GRHL1: variants seen among roughly 807,000 people sequenced by gnomAD.
The protein encoded by GRHL1 is grainyhead like transcription factor 1.
In GRHL1, 38 loss-of-function variants were observed where a neutral mutation model predicts 75.7. That is an observed-to-expected ratio of 0.50 (90% confidence interval 0.39 to 0.66). The LOEUF is 0.66. GRHL1 is among the 30% of genes least tolerant of loss of function. The pLI, the probability that GRHL1 is intolerant of heterozygous loss-of-function variation, is 0.00. For missense variants in GRHL1, 589 were observed against 767.5 expected (o/e 0.77, Z 2.75); for synonymous variants, 266 against 279.4 (o/e 0.95, Z 0.48).
At chr2:9,969,363 A>G (rs1490043850) in intron 8 of GRHL1, among the ~76,000 whole-genome samples, 4 of 152,212 alleles carry the variant, frequency 2.6e-5, no homozygotes, top group Admixed American at 1.3e-4. Context: ...ACTCCATGCT[A>G]TTACGTGCTT....
At chr2:9,963,673 G>A (rs533350735) in intron 5 of GRHL1, among the ~76,000 whole-genome samples, 2 of 152,194 alleles carry the variant, frequency 1.3e-5, no homozygotes, top group South Asian at 4.1e-4. Flanking sequence ...TCAAACTCAG[G>A]ATGTCCGATT....
At chr2:9,981,739 C>T (rs1668206260) in intron 8 of GRHL1, among the ~76,000 whole-genome samples, 1 of 152,178 alleles carries the variant, frequency 6.6e-6, no homozygotes, top group South Asian at 2.1e-4. Context: ...ACTTACTACC[C>T]AGTATGCATT....
chr2:9,967,148 A>G (rs978359535), intron 8 of GRHL1, among the ~76,000 whole-genome samples: 2 of 152,242 alleles, frequency 1.3e-5, no homozygotes, highest in Non-Finnish European at 2.9e-5. Context: ...TAAAGAGCCC[A>G]TAAGTCCTGA....
intron 1 of GRHL1, among the ~76,000 whole-genome samples, chr2:9,954,557 A>G (rs1040442176): frequency 2.0e-5 from 3 of 152,182 alleles, no homozygotes; most frequent in Non-Finnish European, 4.4e-5. Context: ...GTGTGTTGGA[A>G]GAGAACAAGT....
At position 9,961,102 on chromosome 2, in the gene GRHL1, T is replaced by G; in HGVS notation, c.335T>G (p.Val112Gly). The change falls in exon 4 of 16, where the codon GTG becomes GGG. Residue 112 changes from valine to glycine, a missense_variant. Transcript: ENST00000324907. ...QPLISAGENR[V>G]QVLKNVPFNI... ...CTCATCTCTGCTGGAGAAAACAGAG[T>G]GCAAGTACTGAAAAATGTGCCATTT... is the stretch of plus-strand genomic sequence containing the variant. The G allele has an allele frequency of 6.4e-7, 1 of 1,570,688 alleles. No homozygotes were observed. The highest frequency in any genetic ancestry group is 1.4e-5 in the African/African-American group (1 of 73,928).
chr2:9,972,025 C>T (rs926768098), intron 8 of GRHL1, among the ~76,000 whole-genome samples: 6 of 152,006 alleles, frequency 3.9e-5, no homozygotes, highest in African/African-American at 9.7e-5. Flanking sequence ...TTTGTCATCG[C>T]GCAGGCCGGA....
intron 14 of GRHL1, among the ~76,000 whole-genome samples, chr2:9,996,895 G>A (rs775433292): frequency 1.8e-4 from 27 of 152,138 alleles, no homozygotes; most frequent in Non-Finnish European, 3.5e-4. Flanking sequence ...ATCTCAGCAC[G>A]AGGCTGGAAT....
At chr2:9,952,414 T>C (rs1279039701) in intron 1 of GRHL1, among the ~76,000 whole-genome samples, 1 of 152,228 alleles carries the variant, frequency 6.6e-6, no homozygotes, top group Non-Finnish European at 1.5e-5. Flanking sequence ...GCTGGCGGCA[T>C]GAGTGGGAAA....
At chr2:9,989,987 A>G (rs1324420711) in intron 9 of GRHL1, among the ~76,000 whole-genome samples, 2 of 152,130 alleles carry the variant, frequency 1.3e-5, no homozygotes, top group African/African-American at 4.8e-5. Flanking sequence ...CCTTGGCCAT[A>G]TAGGAGAGTA....
At chr2:9,998,771 CACAT>C (rs1669091995) in intron 14 of GRHL1, among the ~76,000 whole-genome samples, 190 bp from the exon 15 acceptor site, 1 of 32,772 alleles carries the variant, frequency 3.1e-5, no homozygotes, top group Non-Finnish European at 5.5e-5. Flanking sequence ...TATATGTACA[CACAT>C]ATATACGTAT....
At chr2:9,960,099 C>G (rs1335015691) in intron 3 of GRHL1, 1 of 152,140 alleles carries the variant, frequency 6.6e-6, no homozygotes, top group African/African-American at 2.4e-5. Context: ...TTATAAAAAG[C>G]AGATGTGTCT....
chr2:9,987,170 G>A lies in GRHL1; in HGVS notation c.1269+888G>A, dbSNP rs182806815. 9.2e-5 allele frequency among the ~76,000 whole-genome samples: 14 copies of A among 152,082 alleles called. No homozygotes were observed. In the East Asian group the frequency reaches 1.8e-3, roughly 19 times the overall value. On this transcript the variant is annotated intron_variant, in intron 9 of 15. Coordinates refer to ENST00000324907, the MANE Select transcript of GRHL1 (RefSeq NM_198182.3). This position sits in a 1 kb window ranked among gnomAD's most constrained non-coding sequence, Gnocchi z 4.2. Reference sequence around the variant, plus strand: ...AATTTTTGTATAGAAACAGGGTTTCGCCAGGTTGGCCAGGCTGGTCTTGAA... The same window carrying A: ...AATTTTTGTATAGAAACAGGGTTTCACCAGGTTGGCCAGGCTGGTCTTGAA...
chr2:9,963,132 C>T (rs1455133767), intron 5 of GRHL1, among the ~76,000 whole-genome samples: 1 of 152,204 alleles, frequency 6.6e-6, no homozygotes, highest in Admixed American at 6.5e-5. Context: ...CCTTATAGAT[C>T]TGCCTCAAGA....
chr2:10,000,137 C>T (rs1048339634), intron 15 of GRHL1, among the ~76,000 whole-genome samples: 4 of 152,182 alleles, frequency 2.6e-5, no homozygotes, highest in Admixed American at 2.0e-4. Context: ...GCATGTACCA[C>T]CATGTCCAGC....
chr2:9,984,671 G>T (rs1231108941), intron 8 of GRHL1, among the ~76,000 whole-genome samples: 1 of 152,190 alleles, frequency 6.6e-6, no homozygotes, highest in Non-Finnish European at 1.5e-5. Flanking sequence ...CCCCTGGATG[G>T]GTTCTCGCCG....
intron 8 of GRHL1, among the ~76,000 whole-genome samples, chr2:9,974,024 G>A (rs1163608832): frequency 2.0e-5 from 3 of 152,132 alleles, no homozygotes; most frequent in Non-Finnish European, 1.5e-5. Context: ...TTTGGGGTTC[G>A]CCCTTTTCTC....
chr2:9,972,163 C>T (rs1008729167), intron 8 of GRHL1, among the ~76,000 whole-genome samples: 2 of 151,432 alleles, frequency 1.3e-5, no homozygotes, highest in South Asian at 2.1e-4. Context: ...ATGTAGCCTG[C>T]ATCTGGGCTG....
intron 14 of GRHL1, among the ~76,000 whole-genome samples, chr2:9,998,352 A>C (rs1283216667): frequency 6.6e-6 from 1 of 150,686 alleles, no homozygotes; most frequent in Non-Finnish European, 1.5e-5. Context: ...GGAGGCCCCC[A>C]GCACACGAGC....
chr2:9,990,624 T>C lies in GRHL1; in HGVS notation c.1270-72T>C. ...GGAGAAAGGCTTCTTCTTCCATTGGTCAGGATAAGAGTTAAATATTTTAAA... is the reference window on the plus strand; with the variant it reads ...GGAGAAAGGCTTCTTCTTCCATTGGCCAGGATAAGAGTTAAATATTTTAAA... On this transcript the variant is annotated intron_variant, in intron 9 of 15. Coordinates refer to ENST00000324907, the MANE Select transcript of GRHL1 (RefSeq NM_198182.3). The surrounding 1 kb of genome is among the most constrained non-coding windows in gnomAD (Gnocchi z 4.2). The C allele has an allele frequency of 2.3e-6, 2 of 878,106 alleles. No individual in the cohort carries two copies. The highest frequency in any genetic ancestry group is 3.7e-5 in the South Asian group (2 of 53,632). 54.4% of individuals were successfully genotyped at this position (878,106 alleles called of 1,614,324 possible).
Sources: allele counts gnomAD v4.1 joint callset (sites outside exome capture counted in the v4.1 genomes callset), GRCh38; gene constraint gnomAD v4.1.1; non-coding constraint Gnocchi (gnomAD v3.1); transcripts MANE v1.5; gene names NCBI Gene and HGNC (gene_info 2026-07-23, HGNC 2026-07-21).